MED23: variants seen among roughly 807,000 people sequenced by gnomAD.
MED23 encodes mediator complex subunit 23.
MED23 carries 105 observed loss-of-function variants against 163.9 expected under a neutral mutation model. The observed-to-expected ratio is 0.64, with a 90% CI of 0.55 to 0.75. MED23 has a LOEUF of 0.75. Among genes scored for constraint, MED23 ranks in the 30% least tolerant of loss-of-function variants. MED23 has a pLI of 0.00. For missense variants in MED23, 1,054 were observed against 1,649.0 expected (o/e 0.64, Z 6.25); for synonymous variants, 561 against 565.6 (o/e 0.99, Z 0.12).
intron 30 of MED23, among the ~76,000 whole-genome samples, chr6:131,574,606 G>A (rs1392246920): frequency 6.6e-6 from 1 of 152,198 alleles, no homozygotes; most frequent in African/African-American, 2.4e-5. Flanking sequence ...GACTAAGAGA[G>A]AGAGATTTTT....
In MED23 at chr6:131,590,371, C is replaced by A; in HGVS notation, c.3758G>T (p.Gly1253Val). 2 of 1,611,084 alleles carry A rather than the reference C, an allele frequency of 1.2e-6. No homozygotes were observed. The highest frequency in any genetic ancestry group is 2.2e-5 in the South Asian group (2 of 90,996). The stretch of plus-strand genomic sequence containing the variant: ...TTGCTGAAATCTTTGTAAAAATGGT[C>A]CAACAAGATGGTATACATAAAGCAA... ...FQLLYVYHLV[G>V]PFLQRFQQER... Residue 1253 changes from glycine to valine, a missense_variant, in exon 27 of 29, where the codon GGA becomes GTA. Physicochemically the swap from Gly to Val is moderately radical, Grantham distance 109 (BLOSUM62 -3). Around this residue, in one of 11 missense-constraint regions of MED23, gnomAD observed 362 missense variants for 471.6 expected, o/e 0.77. Coordinates refer to ENST00000368068, the MANE Select transcript of MED23 (RefSeq NM_004830.4).
At chr6:131,586,726 A>G (rs1224401935), downstream of MED23, 16 of 1,430,014 alleles carry the variant, frequency 1.1e-5, no homozygotes, top group South Asian at 2.5e-5. Flanking sequence ...ACTCATTCCA[A>G]TGGAGTCGGG....
chr6:131,622,031 A>G (rs1237666232), intron 5 of MED23, 52 bp from the exon 6 acceptor site: 1 of 1,333,282 alleles, frequency 7.5e-7, no homozygotes, highest in East Asian at 2.3e-5. Context: ...CTACTGTGTT[A>G]GCTAAAACGT....
chr6:131,610,355 A>G, intron 10 of MED23, 109 bp from the exon 11 acceptor site: 1 of 1,057,030 alleles, frequency 9.5e-7, no homozygotes, highest in Non-Finnish European at 1.4e-6. Context: ...CACGGAATGA[A>G]GTTGAACTTA....
rs756291187 is a variant in MED23, at chr6:131,624,899, C to A, written c.250G>T (p.Ala84Ser). ...KRISFLYDCLAMAVETGLLPP... is the reference protein window; with the variant it reads ...KRISFLYDCLSMAVETGLLPP... ...AGGAGACCAGTCTCAACTGCCATTG[C>A]TAAGCAGTCATAAAGAAAAGAAATT... The change falls in exon 4 of 29, where the codon GCA becomes TCA. Residue 84 changes from alanine (A) to serine (S), a missense_variant. Physicochemically the swap from Ala to Ser is moderately conservative, Grantham distance 99 (BLOSUM62 1). Transcript: ENST00000368068. The A allele has an allele frequency of 2.5e-6, 4 of 1,613,868 alleles. No homozygotes were observed. The highest frequency in any genetic ancestry group is 3.4e-6 in the Non-Finnish European group (4 of 1,179,942).
chr6:131,615,193 T>A, intron 10 of MED23: 1 of 824,268 alleles, frequency 1.2e-6, no homozygotes, highest in Non-Finnish European at 1.9e-6. Flanking sequence ...CGTTTTTTAG[T>A]GGCCTTGGTC....
In MED23 at chr6:131,618,471, T is replaced by A. The variant is rs1407349356; in HGVS notation, c.716A>T (p.Asn239Ile). The A allele has an allele frequency of 1.9e-6, 3 of 1,613,930 alleles. No individual in the cohort carries two copies. Among genetic ancestry groups the A allele is most frequent in the Non-Finnish European group, 2.5e-6 (3 of 1,179,970 alleles). ...PVVNNSGAIC[N>I]SWKLDPATLR... ...AGTAGCAGGATCCAGTTTCCATGAA[T>A]TACAAATGGCACCCGAATTATTTAC... is the stretch of plus-strand genomic sequence containing the variant. The change falls in exon 9 of 29, where the codon AAT becomes ATT. Residue 239 changes from asparagine (N) to isoleucine (I), a missense_variant. Physicochemically the swap from Asn to Ile is moderately radical, Grantham distance 149. Coordinates refer to ENST00000368068, the MANE Select transcript of MED23 (RefSeq NM_004830.4).
At position 131,596,688 on chromosome 6, in the gene MED23, C is replaced by A; in HGVS notation, c.2608G>T (p.Ala870Ser). The A allele has an allele frequency of 6.2e-7, 1 of 1,613,824 alleles. No individual in the cohort carries two copies. The change falls in exon 21 of 29, where the codon GCC (alanine) becomes TCC (serine). Residue 870 changes from alanine to serine, a missense_variant and splice_region_variant. Ala to Ser is a moderately conservative substitution (Grantham distance 99, BLOSUM62 1). Around this residue, in one of 11 missense-constraint regions of MED23, gnomAD observed 228 missense variants for 461.3 expected, o/e 0.49. Transcript: ENST00000368068. ...VTLDRLILCL[A>S]MRSHEGNEAQ... Reference sequence around the variant, plus strand: ...TCATTTCCTTCGTGACTACGCATGGCCTTTGAAAAACAACAGAAAAATTAT... The same window carrying A: ...TCATTTCCTTCGTGACTACGCATGGACTTTGAAAAACAACAGAAAAATTAT...
intron 30 of MED23, chr6:131,576,598 G>A (rs1485065130): frequency 1.4e-6 from 2 of 1,447,306 alleles, no homozygotes; most frequent in Admixed American, 1.7e-5. Context: ...AATGAAAAGG[G>A]TTCCTGCTGT....
chr6:131,622,448 C>G (rs1471226963), intron 5 of MED23, among the ~76,000 whole-genome samples: 5 of 152,090 alleles, frequency 3.3e-5, no homozygotes, highest in African/African-American at 1.2e-4. Context: ...CATCACATAC[C>G]TTAATCTCTC....
downstream of MED23, chr6:131,583,572 G>A: frequency 6.4e-7 from 1 of 1,571,780 alleles, no homozygotes; most frequent in Non-Finnish European, 8.7e-7. Context: ...CTGAAACCAA[G>A]TCCCAGCTGA....
chr6:131,583,190 A>G, downstream of MED23: 1 of 1,601,186 alleles, frequency 6.2e-7, no homozygotes, highest in Non-Finnish European at 8.5e-7. Context: ...GTGTGCACAC[A>G]TGTGTGTGCA....
At chr6:131,613,542 C>T (rs2114714912) in intron 10 of MED23, among the ~76,000 whole-genome samples, 1 of 152,208 alleles carries the variant, frequency 6.6e-6, no homozygotes, top group East Asian at 1.9e-4. Flanking sequence ...TATCTTTAAT[C>T]ATATGCTTCT....
At chr6:131,584,158 G>T (rs1408114429), downstream of MED23, 4 of 469,862 alleles carry the variant, frequency 8.5e-6, no homozygotes, top group Non-Finnish European at 1.5e-5. Context: ...AGTGTACATT[G>T]ATTTCCAATT....
At chr6:131,621,356 C>T (rs963179283) in intron 6 of MED23, among the ~76,000 whole-genome samples, 5 of 151,850 alleles carry the variant, frequency 3.3e-5, no homozygotes, top group Non-Finnish European at 7.4e-5. Flanking sequence ...TATATACACA[C>T]ACACAGACAA....
intron 3 of MED23, among the ~76,000 whole-genome samples, chr6:131,626,455 C>G (rs763451225): frequency 2.6e-5 from 4 of 151,814 alleles, no homozygotes; most frequent in Non-Finnish European, 5.9e-5. Flanking sequence ...AACGCTTGGA[C>G]TGATAGGGAA....
intron 15 of MED23, among the ~76,000 whole-genome samples, chr6:131,603,442 T>C (rs1775628720): frequency 6.6e-6 from 1 of 152,220 alleles, no homozygotes; most frequent in South Asian, 2.1e-4. Context: ...TAATCATGTT[T>C]ATCTGGAAAA....
At chr6:131,574,129 T>A in exon 31 of MED23, 1 of 833,468 alleles carries the variant, frequency 1.2e-6, no homozygotes, top group Non-Finnish European at 2.0e-6. Flanking sequence ...ACCTTAGACT[T>A]CAACACGCAT....
chr6:131,607,874 T>A (rs912271034), intron 12 of MED23, 54 bp downstream of exon 12: 70 of 1,574,496 alleles, frequency 4.4e-5, no homozygotes, highest in Non-Finnish European at 5.6e-5. Flanking sequence ...TAAACATAAA[T>A]TAGACATAAT....
Sources: gnomAD v4.1 joint callset for allele counts (sites outside exome capture counted in the v4.1 genomes callset) on GRCh38, gnomAD v4.1.1 for gene constraint, gnomAD v4.1.1 regional missense constraint, MANE v1.5 for transcripts, NCBI Gene and HGNC (gene_info 2026-07-23, HGNC 2026-07-21) for gene names.